The following SYNE3 variants were observed in gnomAD, a reference collection of about 807,000 sequenced individuals.
SYNE3 encodes the protein nesprin-3.
In SYNE3, 100 loss-of-function variants were observed where a neutral mutation model predicts 111.2. The observed-to-expected ratio is 0.90, with a 90% CI of 0.77 to 1.06. The LOEUF (loss-of-function observed/expected upper bound fraction) is 1.06, where lower values mean the gene tolerates loss of function less well. Among genes scored for constraint, SYNE3 ranks in the 50% least tolerant of loss-of-function variants. The pLI is 0.00. For missense variants in SYNE3, 1,160 were observed against 1,240.3 expected, an observed-to-expected ratio of 0.94 and a Z score of 0.97; for synonymous variants, 547 against 533.9, an observed-to-expected ratio of 1.02 and a Z score of -0.34.
At chr14:95,468,040 C>T (rs575620824) in intron 2 of SYNE3, 73 bp from the exon 3 acceptor site, 9 of 1,512,730 alleles carry the variant, frequency 5.9e-6, no homozygotes, top group Non-Finnish European at 8.0e-6. Flanking sequence ...AAGATAGTGG[C>T]ATGGTGCAAA....
intron 1 of SYNE3, among the ~76,000 whole-genome samples, chr14:95,502,469 T>C (rs1890373888): frequency 6.6e-6 from 1 of 152,124 alleles, no homozygotes; most frequent in Non-Finnish European, 1.5e-5. Context: ...TAATCACAGC[T>C]GCCACAGGCT....
chr14:95,425,243 CAA>C (rs71132347), intron 17 of SYNE3, among the ~76,000 whole-genome samples: 219 of 142,760 alleles, frequency 1.5e-3, no homozygotes, highest in Non-Finnish European at 2.3e-3. Context: ...GAGACTCCAT[CAA>C]AAAAAAAAAA....
In SYNE3 at chr14:95,414,779, C is replaced by T. The variant is rs1903527916; in HGVS notation, c.*3047G>A. 6.6e-6 allele frequency: 1 copy of T among 151,772 alleles called. No homozygotes were observed. Among genetic ancestry groups the T allele is most frequent in the African/African-American group, 2.4e-5 (1 of 41,260 alleles). 9.4% of individuals were successfully genotyped at this position (151,772 alleles called of 1,614,324 possible). ...AGTAGCACCTTAAAGCTCTGCATGG[C>T]TGTTAAAGAGGCTGGAAACTAAAGT... On this transcript the variant is annotated 3_prime_UTR_variant, in exon 18 of 18. Transcript: ENST00000682763.
Position 95,450,039 on chromosome 14 carries a change from C to A in SYNE3, c.1341G>T (p.Arg447=). ...AAVELWQHFQ[R]PLQDLQLWKA... is the part of the protein sequence containing the mutation. Reference sequence around the variant, plus strand: ...TCCACAGCTGCAGATCCTGCAGAGGCCGCTGGAAATGCTGCCACAGCTCCA... The same window carrying A: ...TCCACAGCTGCAGATCCTGCAGAGGACGCTGGAAATGCTGCCACAGCTCCA... The change falls in exon 8 of 18, where the codon CGG becomes CGT. Residue 447 remains arginine (R), a synonymous_variant. Coordinates refer to ENST00000682763, the MANE Select transcript of SYNE3 (RefSeq NM_152592.6). 6.4e-7 allele frequency: 1 copy of A among 1,563,028 alleles called. No individual in the cohort carries two copies. Among genetic ancestry groups the A allele is most frequent in the Non-Finnish European group, 8.7e-7 (1 of 1,153,732 alleles).
At chr14:95,496,936 G>A (rs1000262980) in intron 1 of SYNE3, among the ~76,000 whole-genome samples, 1 of 152,228 alleles carries the variant, frequency 6.6e-6, no homozygotes, top group Non-Finnish European at 1.5e-5. Flanking sequence ...TTCTGATCCG[G>A]AGCCATTGTT....
chr14:95,427,566 CCTCTCTCTCTCCCT>C (rs1228854478), intron 17 of SYNE3, among the ~76,000 whole-genome samples: 2 of 151,760 alleles, frequency 1.3e-5, no homozygotes, highest in African/African-American at 4.9e-5. Context: ...CATAAGCTGT[CCTCTCTCTCTCCCT>C]CTCTCTCCCT....
At chr14:95,450,869 T>C (rs1393192656) in intron 7 of SYNE3, 1 of 152,164 alleles carries the variant, frequency 6.6e-6, no homozygotes, top group African/African-American at 2.4e-5. Context: ...AAGTGTTAGA[T>C]GAGATGACAC....
chr14:95,491,598 G>A (rs367633050), intron 1 of SYNE3, among the ~76,000 whole-genome samples: 7 of 152,048 alleles, frequency 4.6e-5, no homozygotes, highest in African/African-American at 1.7e-4. Context: ...AGACCTACAC[G>A]TAAGAGCCAA....
At chr14:95,424,198 G>A (rs1885312117) in intron 17 of SYNE3, among the ~76,000 whole-genome samples, 1 of 151,712 alleles carries the variant, frequency 6.6e-6, no homozygotes, top group African/African-American at 2.4e-5. Flanking sequence ...ATGAGACGGT[G>A]CAGAAAGCCA....
intron 1 of SYNE3, among the ~76,000 whole-genome samples, chr14:95,488,677 G>C (rs949459381): frequency 2.3e-5 from 3 of 129,074 alleles, no homozygotes; most frequent in Non-Finnish European, 5.0e-5. Context: ...AGAGGGGTGG[G>C]GTGGGGAGGG....
At position 95,466,018 on chromosome 14, in the gene SYNE3, C is replaced by T. The variant is rs1299771527; in HGVS notation, c.540G>A (p.Leu180=). 3 of 1,612,306 alleles carry T rather than the reference C, an allele frequency of 1.9e-6. No individual in the cohort carries two copies. In the East Asian group the frequency reaches 6.7e-5, roughly 36 times the overall value. Residue 180 remains leucine (L), a synonymous_variant, in exon 4 of 18, where the codon CTG becomes CTA. Coordinates refer to ENST00000682763, the MANE Select transcript of SYNE3 (RefSeq NM_152592.6). Reference sequence around the variant, plus strand: ...CGCTGGGGTCCCCGATCCTGTTGAACAGGGAGGCTGCCTCCTCCAGCAGCC... The same window carrying T: ...CGCTGGGGTCCCCGATCCTGTTGAATAGGGAGGCTGCCTCCTCCAGCAGCC... The part of the protein sequence containing the change: ...LDRLLEEAAS[L]FNRIGDPSVD...
chr14:95,478,813 G>A (rs1200348376), intron 1 of SYNE3, among the ~76,000 whole-genome samples: 1 of 152,218 alleles, frequency 6.6e-6, no homozygotes, highest in Admixed American at 6.5e-5. Flanking sequence ...AACACACCAC[G>A]AGGGCACTTG....
intron 1 of SYNE3, among the ~76,000 whole-genome samples, chr14:95,498,284 G>A (rs538894766): frequency 1.8e-4 from 27 of 152,212 alleles, no homozygotes; most frequent in African/African-American, 5.5e-4. Context: ...TCCACCTACC[G>A]GGTTCAAGCG....
chr14:95,506,144 A>AC (rs1465471420), intron 1 of SYNE3, among the ~76,000 whole-genome samples: 1 of 152,220 alleles, frequency 6.6e-6, no homozygotes, highest in African/African-American at 2.4e-5. Flanking sequence ...CTGGGCTTGT[A>AC]CCACCAAATT....
At chr14:95,506,233 G>A (rs372450235) in intron 1 of SYNE3, among the ~76,000 whole-genome samples, 2 of 152,180 alleles carry the variant, frequency 1.3e-5, no homozygotes, top group Non-Finnish European at 1.5e-5. Flanking sequence ...CTGTATTGAG[G>A]AGGATCCTGA....
At chr14:95,494,977 T>C (rs1477106599) in intron 1 of SYNE3, among the ~76,000 whole-genome samples, 7 of 152,012 alleles carry the variant, frequency 4.6e-5, no homozygotes, top group African/African-American at 1.7e-4. Context: ...TTGGGCGTGG[T>C]GGCAGGCACC....
At position 95,500,336 on chromosome 14, in the gene SYNE3, G is replaced by A. The variant is rs913632370; in HGVS notation, c.-15+16260C>T. Among the ~76,000 whole-genome samples, 12 of 152,188 alleles carry A rather than the reference G, an allele frequency of 7.9e-5. No homozygotes were observed. Among genetic ancestry groups the A allele is most frequent in the Non-Finnish European group, 8.8e-5 (6 of 68,038 alleles). On this transcript the variant is annotated intron_variant, in intron 1 of 17. Coordinates refer to ENST00000682763, the MANE Select transcript of SYNE3 (RefSeq NM_152592.6). This position sits in a 1 kb window ranked among gnomAD's most constrained non-coding sequence, Gnocchi z 4.7. ...GTTTACGACGTGCCTGTGAGAAGCC[G>A]GGCATCCAGCCTAGGAACTGCCTTT...
At chr14:95,449,363 G>C in intron 8 of SYNE3, 2 of 939,396 alleles carry the variant, frequency 2.1e-6, no homozygotes, top group Non-Finnish European at 2.5e-6. Flanking sequence ...GTCAGGGGAA[G>C]ATTTGAAAGG....
Position 95,414,169 on chromosome 14 carries a change from C to G in SYNE3, c.*3657G>C, listed in dbSNP as rs903983164. 2 of 152,208 alleles carry G rather than the reference C, an allele frequency of 1.3e-5. No individual in the cohort carries two copies. Among genetic ancestry groups the G allele is most frequent in the Non-Finnish European group, 2.9e-5 (2 of 68,062 alleles). 9.4% of individuals were successfully genotyped at this position (152,208 alleles called of 1,614,324 possible). On this transcript the variant is annotated 3_prime_UTR_variant, in exon 18 of 18. Transcript: ENST00000682763. ...TACAGAGACTGCAACCTGGTAGAAC[C>G]AGCCTGAAGCCCCCCTCCAGCCTGG... is the stretch of plus-strand genomic sequence containing the variant.
Sources: gnomAD v4.1 joint callset for allele counts (sites outside exome capture counted in the v4.1 genomes callset) on GRCh38, gnomAD v4.1.1 for gene constraint, Gnocchi (gnomAD v3.1) non-coding constraint, MANE v1.5 for transcripts, NCBI Gene and HGNC (gene_info 2026-07-23, HGNC 2026-07-21) for gene names.